The following SPAG16 variants were observed in gnomAD, a reference collection of about 807,000 sequenced individuals.
SPAG16 encodes sperm-associated antigen 16 protein.
Under a neutral mutation model 80.4 loss-of-function variants are expected in SPAG16, and 86 were observed. The ratio of observed to expected loss-of-function variants is 1.07; its 90% confidence interval spans 0.90 to 1.28. SPAG16 has a LOEUF of 1.28. Among genes scored for constraint, SPAG16 ranks in the 50% most tolerant of loss-of-function variants. The pLI, the probability that SPAG16 is intolerant of heterozygous loss-of-function variation, is 0.00. For missense variants in SPAG16, 870 were observed against 765.3 expected, an observed-to-expected ratio of 1.14 and a Z score of -1.61; for synonymous variants, 294 against 265.9, an observed-to-expected ratio of 1.11 and a Z score of -1.03.
At chr2:214,317,052 A>G (rs1210545983) in intron 15 of SPAG16, among the ~76,000 whole-genome samples, 1 of 152,240 alleles carries the variant, frequency 6.6e-6, no homozygotes, top group Non-Finnish European at 1.5e-5. Flanking sequence ...CTTGTTAGAA[A>G]CATCCCAGGT....
chr2:213,346,655 T>C (rs1648209836), intron 6 of SPAG16, among the ~76,000 whole-genome samples: 1 of 152,236 alleles, frequency 6.6e-6, no homozygotes, highest in Non-Finnish European at 1.5e-5. Flanking sequence ...TTTTTGTCAT[T>C]GGCTCTGTTT....
At position 213,417,817 on chromosome 2, in the gene SPAG16, C is replaced by T. The variant is rs1422909387; in HGVS notation, c.942+42698C>T. Among the ~76,000 whole-genome samples, 4 of 151,646 alleles carry T rather than the reference C, an allele frequency of 2.6e-5. No individual in the cohort carries two copies. The East Asian group carries it at 5.8e-4, about 22-fold the overall frequency. On this transcript the variant is annotated intron_variant, in intron 9 of 15. Coordinates refer to ENST00000331683, the MANE Select transcript of SPAG16 (RefSeq NM_024532.5). ...TAATCATGTCAATCAAAAATATTTT[C>T]CTCCTATTTTTCCTCCTTTTATAAA...
chr2:214,133,446 G>T (rs1233769535), intron 14 of SPAG16, among the ~76,000 whole-genome samples: 1 of 152,002 alleles, frequency 6.6e-6, no homozygotes, highest in Non-Finnish European at 1.5e-5. Flanking sequence ...ATCACTTAAG[G>T]TCAGGAGTTC....
intron 12 of SPAG16, among the ~76,000 whole-genome samples, chr2:213,960,144 C>T (rs1315949963): frequency 6.6e-6 from 1 of 152,142 alleles, no homozygotes; most frequent in East Asian, 1.9e-4. Context: ...TCTGCCTGCT[C>T]AAATATGCCT....
At chr2:213,584,711 G>A (rs919792357) in intron 10 of SPAG16, among the ~76,000 whole-genome samples, 4 of 152,132 alleles carry the variant, frequency 2.6e-5, no homozygotes, top group Admixed American at 6.5e-5. Context: ...GCAGGCTCTC[G>A]ACTTTTGGAA....
chr2:214,178,728 A>G (rs2057212843), intron 15 of SPAG16, among the ~76,000 whole-genome samples: 1 of 151,404 alleles, frequency 6.6e-6, no homozygotes, highest in Admixed American at 6.6e-5. Context: ...TATTAAAGTA[A>G]TATTTCTAAT....
chr2:213,882,607 T>A (rs574050613), intron 11 of SPAG16, among the ~76,000 whole-genome samples: 1 of 152,342 alleles, frequency 6.6e-6, no homozygotes, highest in East Asian at 1.9e-4. Flanking sequence ...CTCACAGTAT[T>A]TTCTGAGGAT....
intron 10 of SPAG16, among the ~76,000 whole-genome samples, chr2:213,802,366 T>A (rs1485894383): frequency 1.3e-5 from 2 of 152,004 alleles, no homozygotes; most frequent in Admixed American, 6.6e-5. Context: ...AGAAAGCAAA[T>A]GTTTACTTAA....
chr2:213,889,415 T>C (rs2106069345), intron 11 of SPAG16, among the ~76,000 whole-genome samples: 1 of 151,950 alleles, frequency 6.6e-6, no homozygotes, highest in Non-Finnish European at 1.5e-5. Context: ...GTGGTTATAT[T>C]TCCTTGGGCA....
At chr2:213,315,766 C>A (rs1487859669) in intron 4 of SPAG16, among the ~76,000 whole-genome samples, 1 of 151,832 alleles carries the variant, frequency 6.6e-6, no homozygotes, top group African/African-American at 2.4e-5. Flanking sequence ...TTTCAGACTC[C>A]TGGCAGCATT....
At chr2:213,895,571 T>C (rs980250759) in intron 11 of SPAG16, among the ~76,000 whole-genome samples, 2 of 152,050 alleles carry the variant, frequency 1.3e-5, no homozygotes, top group Admixed American at 6.6e-5. Flanking sequence ...CATAAACCAA[T>C]GGAACAGAAT....
intron 15 of SPAG16, among the ~76,000 whole-genome samples, chr2:214,405,217 G>T (rs1043314982): frequency 3.3e-5 from 5 of 151,876 alleles, no homozygotes; most frequent in African/African-American, 1.2e-4. Flanking sequence ...TGAACTCCTG[G>T]ACTCCAGCAA....
At chr2:214,295,357 C>G (rs1226788022) in intron 15 of SPAG16, among the ~76,000 whole-genome samples, 1 of 152,214 alleles carries the variant, frequency 6.6e-6, no homozygotes, top group Admixed American at 6.5e-5. Context: ...ACTCCACACT[C>G]TAATGAAACA....
At chr2:214,169,552 A>G (rs976968110) in intron 15 of SPAG16, among the ~76,000 whole-genome samples, 3 of 152,028 alleles carry the variant, frequency 2.0e-5, no homozygotes, top group Non-Finnish European at 2.9e-5. Context: ...TATTCTCTCC[A>G]ATATTTTTGG....
chr2:213,508,339 G>A (rs1245943417), intron 10 of SPAG16, among the ~76,000 whole-genome samples: 1 of 152,178 alleles, frequency 6.6e-6, no homozygotes, highest in African/African-American at 2.4e-5. Flanking sequence ...TTGGGAGGCC[G>A]AGGCGGGTGG....
intron 5 of SPAG16, among the ~76,000 whole-genome samples, chr2:213,323,782 A>C (rs143334722): frequency 6.6e-6 from 1 of 152,210 alleles, no homozygotes; most frequent in Non-Finnish European, 1.5e-5. Flanking sequence ...ATGCAATGCA[A>C]TACTACTCAT....
chr2:213,605,043 T>A (rs2061206359), intron 10 of SPAG16, among the ~76,000 whole-genome samples: 1 of 151,554 alleles, frequency 6.6e-6, no homozygotes. Context: ...TCTCTGTGTG[T>A]GCATATATGT....
At chr2:213,984,850 C>T (rs1012765446) in intron 12 of SPAG16, among the ~76,000 whole-genome samples, 10 of 152,052 alleles carry the variant, frequency 6.6e-5, no homozygotes, top group Admixed American at 2.0e-4. Context: ...GCCTCAGTGA[C>T]GTTACTGTAC....
intron 10 of SPAG16, among the ~76,000 whole-genome samples, chr2:213,702,638 T>C (rs995329659): frequency 6.6e-6 from 1 of 152,226 alleles, no homozygotes; most frequent in Admixed American, 6.5e-5. Flanking sequence ...TATTTCATCA[T>C]ATGATACTTC....
Sources: allele counts gnomAD v4.1 joint callset (sites outside exome capture counted in the v4.1 genomes callset), GRCh38; gene constraint gnomAD v4.1.1; transcripts MANE v1.5; gene names NCBI Gene and HGNC (gene_info 2026-07-23, HGNC 2026-07-21).